Variants in TSGA10 observed in about 807,000 individuals in gnomAD.
TSGA10 encodes the protein testis-specific gene 10 protein.
In TSGA10, 43 loss-of-function variants were observed where a neutral mutation model predicts 96.6. The observed-to-expected ratio is 0.44, with a 90% confidence interval of 0.35 to 0.57. The LOEUF (loss-of-function observed/expected upper bound fraction) is 0.57. Ranked by LOEUF, TSGA10 falls within the 20% of genes least tolerant of loss-of-function variation. TSGA10 has a pLI of 0.01. For missense variants in TSGA10, 703 were observed against 834.4 expected, an observed-to-expected ratio of 0.84 and a Z score of 1.94; for synonymous variants, 229 against 269.9, an observed-to-expected ratio of 0.85 and a Z score of 1.48.
intron 17 of TSGA10, among the ~76,000 whole-genome samples, chr2:99,034,001 A>G (rs1452134234): frequency 6.6e-6 from 1 of 152,170 alleles, no homozygotes; most frequent in Non-Finnish European, 1.5e-5. Flanking sequence ...AAAGAGTTTG[A>G]GCATTACTTC....
At chr2:99,050,315 C>A (rs569597474) in intron 16 of TSGA10, among the ~76,000 whole-genome samples, 1 of 152,136 alleles carries the variant, frequency 6.6e-6, no homozygotes, top group African/African-American at 2.4e-5. Context: ...CTCCAAAATC[C>A]GAAACTTCTT....
Position 98,997,644 on chromosome 2 carries a change from AT to A in TSGA10, c.*552del, listed in dbSNP as rs1196466084. On this transcript the variant is annotated 3_prime_UTR_variant, in exon 21 of 21. Transcript: ENST00000393483. The stretch of plus-strand genomic sequence containing the variant: ...CTTAGTCTTTGAGTGGTACAATACT[AT>A]AGGTTTTAAAACCCTGACAACACTC... 1 of 152,278 alleles carries A rather than the reference AT, an allele frequency of 6.6e-6. No individual in the cohort carries two copies. The highest frequency in any genetic ancestry group is 6.5e-5 in the Admixed American group (1 of 15,280). 9.4% of individuals were successfully genotyped at this position (152,278 alleles called of 1,614,324 possible).
intron 11 of TSGA10, 117 bp downstream of exon 11, chr2:99,081,165 A>G: frequency 4.2e-6 from 2 of 472,528 alleles, no homozygotes; most frequent in Non-Finnish European, 7.4e-6. Context: ...TTTTATTCAT[A>G]AACTTAGTTA....
chr2:99,147,181 G>T, intron 1 of TSGA10: 1 of 349,674 alleles, frequency 2.9e-6, no homozygotes, highest in Non-Finnish European at 5.1e-6. Context: ...ATTTTTTTCT[G>T]ATAGGGATGA....
chr2:99,056,739 C>T (rs1454942260), intron 16 of TSGA10, among the ~76,000 whole-genome samples: 1 of 148,824 alleles, frequency 6.7e-6, no homozygotes, highest in Non-Finnish European at 1.5e-5. Context: ...AGGCCAGTCT[C>T]ACTCTGATAT....
chr2:99,043,715 C>A lies in TSGA10; in HGVS notation c.1405-8276G>T, dbSNP rs1332600302. On this transcript the variant is annotated intron_variant, in intron 16 of 20. Transcript: ENST00000393483. Reference sequence around the variant, plus strand: ...AGCAGAAACAATGGAATCCAGAAAGCAGTGATCTAACATATTCAAAGAGCT... The same window carrying A: ...AGCAGAAACAATGGAATCCAGAAAGAAGTGATCTAACATATTCAAAGAGCT... Among the ~76,000 whole-genome samples the A allele has an allele frequency of 2.6e-5, 4 of 152,262 alleles. No homozygotes were observed. In the East Asian group the frequency reaches 7.7e-4, roughly 29 times the overall value.
At chr2:99,052,781 A>C (rs1310079945) in intron 16 of TSGA10, among the ~76,000 whole-genome samples, 2 of 151,660 alleles carry the variant, frequency 1.3e-5, no homozygotes, top group Non-Finnish European at 2.9e-5. Context: ...ATAAATAAAT[A>C]AATCTTGCCA....
chr2:99,147,268 T>C, intron 1 of TSGA10: 1 of 490,590 alleles, frequency 2.0e-6, no homozygotes, highest in East Asian at 3.1e-5. Context: ...CCCAAAGTGC[T>C]GGAATTACAG....
chr2:99,044,351 C>CAA (rs57316203), intron 16 of TSGA10, among the ~76,000 whole-genome samples: 41,243 of 98,012 alleles, frequency 0.42, 7,115 homozygotes, highest in African/African-American at 0.53. Flanking sequence ...AAATGGAAAG[C>CAA]AAAAAAAAAA....
chr2:99,020,383 C>T lies in TSGA10; in HGVS notation c.1714G>A (p.Val572Met). ...ISMQNLEALLVANRDKEYQSQ... is the reference protein window; with the variant it reads ...ISMQNLEALLMANRDKEYQSQ... ...TGATATTCTTTGTCTCGATTGGCCACCAGCAAAGCTTCTAGATTCTGCATG... is the reference window on the plus strand; with the variant it reads ...TGATATTCTTTGTCTCGATTGGCCATCAGCAAAGCTTCTAGATTCTGCATG... The change falls in exon 18 of 21, where the codon GTG becomes ATG. Residue 572 changes from valine (V) to methionine (M), a missense_variant. Physicochemically the swap from Val to Met is conservative, Grantham distance 21. Around this residue, in one of 3 missense-constraint regions of TSGA10, gnomAD observed 49 missense variants for 96.4 expected, o/e 0.51. Coordinates refer to ENST00000393483, the MANE Select transcript of TSGA10 (RefSeq NM_025244.4). 6.2e-7 allele frequency: 1 copy of T among 1,613,846 alleles called. No individual in the cohort carries two copies. Among genetic ancestry groups the T allele is most frequent in the South Asian group, 1.1e-5 (1 of 91,062 alleles).
At chr2:99,119,068 T>G (rs936682753) in intron 2 of TSGA10, among the ~76,000 whole-genome samples, 3 of 152,182 alleles carry the variant, frequency 2.0e-5, no homozygotes, top group Non-Finnish European at 4.4e-5. Flanking sequence ...CTCTTAGTTC[T>G]AGCATTATTC....
At chr2:99,091,883 G>T (rs2089398748) in intron 10 of TSGA10, among the ~76,000 whole-genome samples, 3 of 151,998 alleles carry the variant, frequency 2.0e-5, no homozygotes, top group Admixed American at 2.0e-4. Flanking sequence ...AGTCAACAAA[G>T]AAACAATGGA....
At chr2:99,024,311 A>G (rs940918329) in intron 17 of TSGA10, among the ~76,000 whole-genome samples, 5 of 151,504 alleles carry the variant, frequency 3.3e-5, no homozygotes, top group Non-Finnish European at 7.4e-5. Context: ...GATGGTCTTG[A>G]TCTCCTGACC....
At chr2:99,141,092 C>T (rs771392010) in intron 1 of TSGA10, 3 of 1,283,412 alleles carry the variant, frequency 2.3e-6, no homozygotes, top group East Asian at 5.9e-5. Flanking sequence ...CCTGGAGCTC[C>T]GGGTCCCTCC....
chr2:99,014,787 A>T (rs1558725978), intron 20 of TSGA10, among the ~76,000 whole-genome samples: 1 of 152,222 alleles, frequency 6.6e-6, no homozygotes, highest in Non-Finnish European at 1.5e-5. Context: ...AATTAGCTCA[A>T]TGAGAAATGA....
chr2:99,076,512 A>T (rs914250113), intron 12 of TSGA10, among the ~76,000 whole-genome samples: 1 of 152,026 alleles, frequency 6.6e-6, no homozygotes, highest in African/African-American at 2.4e-5. Context: ...TTGCTTAACT[A>T]TCCCATCTCT....
intron 1 of TSGA10, chr2:99,148,238 CCTTT>C (rs1300877288): frequency 6.6e-6 from 1 of 152,056 alleles, no homozygotes. Context: ...AGGAGTATTT[CCTTT>C]CTAAGAAAAA....
rs1356089516 is a variant in TSGA10 at position 99,109,444 on chromosome 2, C to G, written c.-5G>C. The G allele has an allele frequency of 1.2e-6, 2 of 1,613,904 alleles. No homozygotes were observed. Among genetic ancestry groups the G allele is most frequent in the South Asian group, 2.2e-5 (2 of 91,054 alleles). ...TTTAGACCTACTTCGCATCATCTTT[C>G]TCAAATGTTGAGCTTCACTCTTATA... is the stretch of plus-strand genomic sequence containing the variant. On this transcript the variant is annotated 5_prime_UTR_variant, in exon 6 of 21. Transcript: ENST00000393483.
At chr2:99,020,024 C>A (rs1271699105) in intron 18 of TSGA10, among the ~76,000 whole-genome samples, 1 of 151,770 alleles carries the variant, frequency 6.6e-6, no homozygotes, top group South Asian at 2.1e-4. Flanking sequence ...TGTTATATTT[C>A]CTAAAGGCAG....
Sources: gnomAD v4.1 joint callset for allele counts (sites outside exome capture counted in the v4.1 genomes callset) on GRCh38, gnomAD v4.1.1 for gene constraint, gnomAD v4.1.1 regional missense constraint, MANE v1.5 for transcripts, NCBI Gene and HGNC (gene_info 2026-07-23, HGNC 2026-07-21) for gene names.